Variants in NMNAT1 observed in about 807,000 individuals in gnomAD.
NMNAT1 encodes the protein nicotinamide/nicotinic acid mononucleotide adenylyltransferase 1.
Under a neutral mutation model 16.7 loss-of-function variants are expected in NMNAT1, and 11 were observed. That is an observed-to-expected ratio of 0.66 (90% confidence interval 0.41 to 1.09). NMNAT1 has a LOEUF of 1.09. Among genes scored for constraint, NMNAT1 ranks in the 50% least tolerant of loss-of-function variants. NMNAT1 has a pLI of 0.00. For synonymous variants in NMNAT1, 110 were observed against 119.8 expected (o/e 0.92, Z 0.53); for missense variants, 280 against 332.3 (o/e 0.84, Z 1.22).
chr1:9,972,605 T>A (rs954238007), intron 2 of NMNAT1: 6 of 155,822 alleles, frequency 3.9e-5, no homozygotes, highest in African/African-American at 1.2e-4. Flanking sequence ...AGTGAATTCT[T>A]AGCCAAAAAA....
chr1:9,944,918 A>G (rs537931992), intron 1 of NMNAT1, among the ~76,000 whole-genome samples: 1 of 152,304 alleles, frequency 6.6e-6, no homozygotes, highest in South Asian at 2.1e-4. Context: ...CTTGCAAGAC[A>G]CTTCAGATTC....
At chr1:9,952,267 A>C (rs1641134154) in intron 1 of NMNAT1, 1 of 152,088 alleles carries the variant, frequency 6.6e-6, no homozygotes, top group Non-Finnish European at 1.5e-5. Context: ...GCGCCACTGC[A>C]CTCCAGCTGG....
chr1:9,994,612 TG>T, the NMNAT1 span, among the ~76,000 whole-genome samples: 1 of 52,348 alleles, frequency 1.9e-5, no homozygotes, highest in Non-Finnish European at 3.8e-5. Flanking sequence ...TTGTATTTTT[TG>T]TATTTTTTTT....
At chr1:9,953,470 C>T (rs1170835072) in intron 1 of NMNAT1, among the ~76,000 whole-genome samples, 1 of 149,012 alleles carries the variant, frequency 6.7e-6, no homozygotes, top group African/African-American at 2.5e-5. Flanking sequence ...GAGACGGAGT[C>T]TCACTCTGTT....
At chr1:9,961,966 C>T (rs1320712771) in intron 1 of NMNAT1, among the ~76,000 whole-genome samples, 2 of 151,718 alleles carry the variant, frequency 1.3e-5, no homozygotes, top group African/African-American at 4.8e-5. Flanking sequence ...CGGGGTTTCT[C>T]CATGTTGGTC....
chr1:9,979,414 A>C (rs1641886685), intron 3 of NMNAT1, among the ~76,000 whole-genome samples: 1 of 152,056 alleles, frequency 6.6e-6, no homozygotes, highest in African/African-American at 2.4e-5. Flanking sequence ...GCAGCGAGCT[A>C]TGATTGTGCC....
At chr1:9,978,774 A>G (rs2101708547) in intron 3 of NMNAT1, among the ~76,000 whole-genome samples, 1 of 152,304 alleles carries the variant, frequency 6.6e-6, no homozygotes, top group Admixed American at 6.5e-5. Flanking sequence ...AGTGTAGTTG[A>G]TGTTATTTGG....
intron 1 of NMNAT1, among the ~76,000 whole-genome samples, chr1:9,956,144 T>C (rs925475645): frequency 1.3e-5 from 2 of 151,456 alleles, no homozygotes; most frequent in Non-Finnish European, 2.9e-5. Context: ...CACTGGTAAA[T>C]AAATAACGTT....
intron 1 of NMNAT1, among the ~76,000 whole-genome samples, chr1:9,962,752 G>A (rs1377529138): frequency 7.0e-6 from 1 of 143,016 alleles, no homozygotes. Flanking sequence ...CGCGATCTCG[G>A]CTCACTGCAA....
intron 1 of NMNAT1, among the ~76,000 whole-genome samples, chr1:9,953,104 C>T (rs1641156175): frequency 6.6e-6 from 1 of 151,806 alleles, no homozygotes; most frequent in African/African-American, 2.4e-5. Context: ...CCTCAGCCTC[C>T]CGAGTAGCTG....
At chr1:9,993,927 G>A in the NMNAT1 span, among the ~76,000 whole-genome samples, 1 of 152,104 alleles carries the variant, frequency 6.6e-6, no homozygotes, top group Non-Finnish European at 1.5e-5. Flanking sequence ...TGAACGTGCA[G>A]GCAGGTTACC....
intron 1 of NMNAT1, among the ~76,000 whole-genome samples, chr1:9,969,705 C>A (rs546821523): frequency 6.6e-6 from 1 of 152,028 alleles, no homozygotes; most frequent in South Asian, 2.1e-4. Flanking sequence ...GAGCTGAGAT[C>A]GTGCCACTGC....
At chr1:9,947,768 T>C (rs1641012404) in intron 1 of NMNAT1, 1 of 152,230 alleles carries the variant, frequency 6.6e-6, no homozygotes, top group African/African-American at 2.4e-5. Context: ...TGACATCTTA[T>C]CACTTTGCTA....
chr1:9,983,844 T>A lies in NMNAT1; in HGVS notation c.*1143T>A, dbSNP rs1296833510. On this transcript the variant is annotated 3_prime_UTR_variant, in exon 5 of 5. Coordinates refer to ENST00000377205, the MANE Select transcript of NMNAT1 (RefSeq NM_022787.4). Reference sequence around the variant, plus strand: ...GAAGCTATCAGAACTGAATTTGGACTTCCTCTGGGAAACTACACCTAGTTC... The same window carrying A: ...GAAGCTATCAGAACTGAATTTGGACATCCTCTGGGAAACTACACCTAGTTC... 1 of 152,148 alleles carries A rather than the reference T, an allele frequency of 6.6e-6. No homozygotes were observed. Among genetic ancestry groups the A allele is most frequent in the Non-Finnish European group, 1.5e-5 (1 of 68,034 alleles). 9.4% of individuals were successfully genotyped at this position (152,148 alleles called of 1,614,324 possible).
At chr1:9,980,035 G>A (rs1641906567) in intron 3 of NMNAT1, among the ~76,000 whole-genome samples, 1 of 151,216 alleles carries the variant, frequency 6.6e-6, no homozygotes, top group Non-Finnish European at 1.5e-5. Context: ...GGGTTCAAGC[G>A]ATTCTCCTGC....
intron 3 of NMNAT1, among the ~76,000 whole-genome samples, chr1:9,976,529 T>G (rs1055359990): frequency 6.6e-6 from 1 of 152,300 alleles, no homozygotes; most frequent in East Asian, 1.9e-4. Context: ...CATGACAGCA[T>G]CTGGGCAGGG....
intron 1 of NMNAT1, among the ~76,000 whole-genome samples, chr1:9,957,425 A>T (rs571101093): frequency 6.6e-6 from 1 of 151,288 alleles, no homozygotes; most frequent in Non-Finnish European, 1.5e-5. Context: ...GGTTCAAGCA[A>T]TTCTCCTTCC....
chr1:9,951,066 G>A (rs1364023270), intron 1 of NMNAT1, among the ~76,000 whole-genome samples: 1 of 149,356 alleles, frequency 6.7e-6, no homozygotes, highest in African/African-American at 2.5e-5. Context: ...TCCAGCTTAA[G>A]CAACAAAGTG....
chr1:9,968,879 G>A (rs1361736211), intron 1 of NMNAT1, among the ~76,000 whole-genome samples: 2 of 149,432 alleles, frequency 1.3e-5, no homozygotes, highest in African/African-American at 4.9e-5. Context: ...GGCAGAGGTT[G>A]CAGTGAGCTG....
Sources: allele counts gnomAD v4.1 joint callset (sites outside exome capture counted in the v4.1 genomes callset), GRCh38; gene constraint gnomAD v4.1.1; transcripts MANE v1.5; gene names NCBI Gene and HGNC (gene_info 2026-07-23, HGNC 2026-07-21).